NCAM2: variants seen among roughly 807,000 people sequenced by gnomAD.
NCAM2 encodes N-CAM-2.
A neutral mutation model predicts 98.1 loss-of-function variants in NCAM2; 30 were observed. The observed-to-expected ratio is 0.31, with a 90% CI of 0.23 to 0.41. NCAM2 has a LOEUF of 0.41. Among genes scored for constraint, NCAM2 ranks in the 10% least tolerant of loss-of-function variants. The pLI is 1.00. For missense variants in NCAM2, 867 were observed against 1,005.8 expected, an observed-to-expected ratio of 0.86 and a Z score of 1.87; for synonymous variants, 368 against 342.4, an observed-to-expected ratio of 1.07 and a Z score of -0.83.
At chr21:21,079,511 C>G (rs191956974) in intron 1 of NCAM2, among the ~76,000 whole-genome samples, 1 of 152,174 alleles carries the variant, frequency 6.6e-6, no homozygotes, top group Non-Finnish European at 1.5e-5. Context: ...CAATGTATTA[C>G]AGTAATTGGT....
intron 2 of NCAM2, 44 bp from the exon 3 acceptor site, chr21:21,284,150 T>G: frequency 6.8e-7 from 1 of 1,475,126 alleles, no homozygotes; most frequent in African/African-American, 1.4e-5. Context: ...CAAACAAATA[T>G]TTTTAACAAT....
chr21:21,002,078 C>A (rs767251765), intron 1 of NCAM2, among the ~76,000 whole-genome samples: 6 of 152,106 alleles, frequency 3.9e-5, no homozygotes, highest in Non-Finnish European at 7.4e-5. Flanking sequence ...TGCAAAGTTT[C>A]TATTAAATCG....
Position 21,418,537 on chromosome 21 carries a change from C to G in NCAM2, c.1448C>G (p.Thr483Arg). ...TGCACAGCCACTAATCATATAGGAA[C>G]AAGATTTCAAGAATATATTCTTGCT... ...YNCTATNHIGTRFQEYILALA... is the reference protein window; with the variant it reads ...YNCTATNHIGRRFQEYILALA... The change falls in exon 11 of 18, where the codon ACA (threonine) becomes AGA (arginine). Residue 483 changes from threonine to arginine, a missense_variant. This residue lies in a region of NCAM2 where 234 missense variants were observed against 333.8 expected (regional missense o/e 0.70). Transcript: ENST00000400546. 1 of 1,611,598 alleles carries G rather than the reference C, an allele frequency of 6.2e-7. No homozygotes were observed. The highest frequency in any genetic ancestry group is 1.1e-5 in the South Asian group (1 of 91,010).
At chr21:21,433,786 AAAAT>A (rs1174760617) in intron 12 of NCAM2, among the ~76,000 whole-genome samples, 4 of 145,078 alleles carry the variant, frequency 2.8e-5, no homozygotes, top group Non-Finnish European at 6.1e-5. Context: ...AAAATAAAAT[AAAAT>A]AAAATAAAAA....
At chr21:21,178,404 G>T (rs1009373010) in intron 1 of NCAM2, among the ~76,000 whole-genome samples, 13 of 152,026 alleles carry the variant, frequency 8.6e-5, no homozygotes, top group Non-Finnish European at 1.9e-4. Context: ...AGATTTTTAA[G>T]TTAATTTCTG....
chr21:21,522,051 TATGA>T (rs748792581), intron 16 of NCAM2, among the ~76,000 whole-genome samples: 2 of 148,270 alleles, frequency 1.3e-5, no homozygotes, highest in Non-Finnish European at 3.0e-5. Context: ...TATTCATATA[TATGA>T]ATGAATAGTA....
intron 8 of NCAM2, among the ~76,000 whole-genome samples, chr21:21,355,070 T>G (rs2075434830): frequency 6.6e-6 from 1 of 152,306 alleles, no homozygotes; most frequent in African/African-American, 2.4e-5. Context: ...TCAACTTTAA[T>G]TTTTGTACTG....
intron 15 of NCAM2, among the ~76,000 whole-genome samples, chr21:21,479,080 G>GTATA (rs1325349799): frequency 2.6e-5 from 4 of 152,028 alleles, no homozygotes; most frequent in African/African-American, 9.7e-5. Context: ...AATTGCAACA[G>GTATA]TATATACTAT....
chr21:21,454,019 C>G (rs139237380), intron 12 of NCAM2, among the ~76,000 whole-genome samples: 1 of 151,886 alleles, frequency 6.6e-6, no homozygotes, highest in African/African-American at 2.4e-5. Flanking sequence ...TATGATTTAC[C>G]ATGCCTAGGA....
intron 1 of NCAM2, among the ~76,000 whole-genome samples, chr21:21,172,270 C>A (rs1299279357): frequency 1.3e-5 from 2 of 151,980 alleles, no homozygotes; most frequent in East Asian, 3.9e-4. Flanking sequence ...TTTTTAGATG[C>A]ACTAGTACCA....
At chr21:21,221,068 G>C (rs184690626) in intron 1 of NCAM2, among the ~76,000 whole-genome samples, 9 of 152,136 alleles carry the variant, frequency 5.9e-5, no homozygotes, top group African/African-American at 2.2e-4. Context: ...TATCTGTTAC[G>C]GTGATCTGTG....
Position 21,292,016 on chromosome 21 carries a change from G to A in NCAM2, c.482-88G>A, listed in dbSNP as rs2073315299. 2.4e-6 allele frequency: 3 copies of A among 1,227,612 alleles called. No homozygotes were observed. The African/African-American group carries it at 4.6e-5, about 19-fold the overall frequency. The allele number at this position is 1,227,612 out of a possible 1,614,324, so 76.0% of individuals were successfully genotyped here. ...GAAAAGCTTGATAGTGTCAGACAGT[G>A]CCATATTTTAACTCTTAACAATTTA... On this transcript the variant is annotated intron_variant, in intron 4 of 17. Coordinates refer to ENST00000400546, the MANE Select transcript of NCAM2 (RefSeq NM_004540.5).
At chr21:21,086,542 T>C (rs1320552891) in intron 1 of NCAM2, among the ~76,000 whole-genome samples, 1 of 152,188 alleles carries the variant, frequency 6.6e-6, no homozygotes, top group Non-Finnish European at 1.5e-5. Flanking sequence ...ATTTTATTTG[T>C]GTAAAATGAG....
intron 9 of NCAM2, among the ~76,000 whole-genome samples, chr21:21,380,742 G>T (rs1316159654): frequency 6.6e-6 from 1 of 152,076 alleles, no homozygotes; most frequent in Non-Finnish European, 1.5e-5. Context: ...CATCCACTTG[G>T]ATAATTCAAG....
chr21:21,350,900 A>T (rs1331890394), intron 8 of NCAM2, among the ~76,000 whole-genome samples: 2 of 150,414 alleles, frequency 1.3e-5, no homozygotes, highest in South Asian at 4.2e-4. Flanking sequence ...ATCATGGCTA[A>T]CAGGGTGAAA....
intron 8 of NCAM2, among the ~76,000 whole-genome samples, chr21:21,364,997 C>T (rs2075749266): frequency 6.6e-6 from 1 of 152,066 alleles, no homozygotes; most frequent in South Asian, 2.1e-4. Flanking sequence ...CATTATTGCT[C>T]AAGCCTACTG....
At chr21:21,021,546 G>A (rs1165830082) in intron 1 of NCAM2, among the ~76,000 whole-genome samples, 1 of 152,108 alleles carries the variant, frequency 6.6e-6, no homozygotes, top group African/African-American at 2.4e-5. Flanking sequence ...TGAGTCAACG[G>A]TGATTGTTAT....
intron 1 of NCAM2, among the ~76,000 whole-genome samples, chr21:21,058,089 A>G (rs1346824585): frequency 6.9e-6 from 1 of 145,028 alleles, no homozygotes; most frequent in African/African-American, 2.6e-5. Flanking sequence ...CTCTGGGTGA[A>G]TTGATTATAT....
intron 1 of NCAM2, among the ~76,000 whole-genome samples, chr21:21,216,066 T>C (rs1357083248): frequency 8.5e-5 from 13 of 152,178 alleles, no homozygotes; most frequent in Admixed American, 8.5e-4. Flanking sequence ...ATCAGGACTT[T>C]GGGTCTCAGT....
Sources: gnomAD v4.1 joint callset for allele counts (sites outside exome capture counted in the v4.1 genomes callset) on GRCh38, gnomAD v4.1.1 for gene constraint, gnomAD v4.1.1 regional missense constraint, MANE v1.5 for transcripts, NCBI Gene and HGNC (gene_info 2026-07-23, HGNC 2026-07-21) for gene names.